IRF9: variants seen among roughly 807,000 people sequenced by gnomAD.
IRF9 encodes IFN-alpha-responsive transcription factor subunit.
IRF9 carries 13 observed loss-of-function variants against 44.1 expected under a neutral mutation model. The ratio of observed to expected loss-of-function variants is 0.29; its 90% confidence interval spans 0.19 to 0.47. IRF9 has a LOEUF of 0.47. Ranked by LOEUF, IRF9 falls within the 20% of genes least tolerant of loss-of-function variation. The probability of loss-of-function intolerance (pLI) is 1.00; values close to 1 mark genes in which losing one functional copy is unlikely to be tolerated. For synonymous variants in IRF9, 189 were observed against 188.5 expected (o/e 1.00, Z -0.02); for missense variants, 373 against 496.1 (o/e 0.75, Z 2.36).
At chr14:24,165,718 C>T in intron 7 of IRF9, 129 bp from the exon 8 acceptor site, 2 of 629,334 alleles carry the variant, frequency 3.2e-6, no homozygotes, top group Non-Finnish European at 2.8e-6. Context: ...GTACTTCTGA[C>T]CTTGCAGCTC....
chr14:24,163,118 G>T lies in IRF9; in HGVS notation c.333G>T (p.Val111=). Reference sequence around the variant, plus strand: ...TGGATGTTGCTGAGCCCTACAAGGTGTATCAGTTGCTGCCACCAGGAATCG... The same window carrying T: ...TGGATGTTGCTGAGCCCTACAAGGTTTATCAGTTGCTGCCACCAGGAATCG... ...GRMDVAEPYK[V]YQLLPPGIVS... Residue 111 remains valine, a synonymous_variant, in exon 3 of 9, where the codon GTG becomes GTT. Transcript: ENST00000396864. 6.2e-7 allele frequency: 1 copy of T among 1,614,120 alleles called. No individual in the cohort carries two copies. The highest frequency in any genetic ancestry group is 8.5e-7 in the Non-Finnish European group (1 of 1,179,996).
At chr14:24,162,665 CGGTGCATGCCT>C (rs2038474882) in intron 2 of IRF9, 3 of 427,172 alleles carry the variant, frequency 7.0e-6, no homozygotes, top group Non-Finnish European at 1.3e-5. Flanking sequence ...CTGGGCCTAG[CGGTGCATGCCT>C]GTAGTCCCAG....
intron 7 of IRF9, chr14:24,165,358 C>T (rs2038510596): frequency 3.2e-6 from 2 of 630,440 alleles, no homozygotes; most frequent in East Asian, 2.7e-5. Flanking sequence ...GCCCTGGCTG[C>T]ACCGTCTTTA....
At position 24,164,397 on chromosome 14, in the gene IRF9, A is replaced by G. The variant is rs2038497319; in HGVS notation, c.650-217A>G. On this transcript the variant is annotated intron_variant, in intron 6 of 8. Coordinates refer to ENST00000396864, the MANE Select transcript of IRF9 (RefSeq NM_006084.5). The surrounding 1 kb of genome is among the most constrained non-coding windows in gnomAD (Gnocchi z 5.2). Reference sequence around the variant, plus strand: ...TTTCATTGGGCCAAACAGAGGCCCAATCTCAAGGGACCTTCTAGTAAACTA... The same window carrying G: ...TTTCATTGGGCCAAACAGAGGCCCAGTCTCAAGGGACCTTCTAGTAAACTA... 6.6e-6 allele frequency: 4 copies of G among 602,636 alleles called. No individual in the cohort carries two copies. Among genetic ancestry groups the G allele is most frequent in the East Asian group, 2.8e-5 (1 of 35,524 alleles). The allele number at this position is 602,636 out of a possible 1,614,324, so 37.3% of individuals were successfully genotyped here. A position where few individuals can be genotyped will look rare whatever the true frequency, so the allele number is the denominator to read the frequency against.
rs2038504798 is a variant in IRF9 at position 24,164,943 on chromosome 14, T to C, written c.979T>C (p.Tyr327His). 1.2e-6 allele frequency: 2 copies of C among 1,611,666 alleles called. No homozygotes were observed. The highest frequency in any genetic ancestry group is 1.7e-4 in the Middle Eastern group (1 of 6,056). ...GTGCGTGGAGCTCTTCAGAACCGCC[T>C]ACTTCTGCAGAGGTGAGGCTGTTCT... ...NECVELFRTA[Y>H]FCRDLVRYFQ... The change falls in exon 7 of 9, where the codon TAC (tyrosine) becomes CAC (histidine). Residue 327 changes from tyrosine (Y) to histidine (H), a missense_variant. By Grantham distance (83) the Tyr-to-His change is moderately conservative (BLOSUM62 2). Coordinates refer to ENST00000396864, the MANE Select transcript of IRF9 (RefSeq NM_006084.5). This position sits in a 1 kb window ranked among gnomAD's most constrained non-coding sequence, Gnocchi z 5.2.
At position 24,163,475 on chromosome 14, in the gene IRF9, C is replaced by T. The variant is rs770683075; in HGVS notation, c.462C>T (p.Leu154=). ...EEEDAMQNCT[L]SPSVLQDSLN... ...AGGATGCCATGCAGAACTGCACACT[C>T]AGTCCCTCTGTGCTCCAGGACTCCC... Residue 154 remains leucine (L), a synonymous_variant, in exon 4 of 9, where the codon CTC becomes CTT. Coordinates refer to ENST00000396864, the MANE Select transcript of IRF9 (RefSeq NM_006084.5). 1.9e-6 allele frequency: 3 copies of T among 1,614,208 alleles called. No individual in the cohort carries two copies. The highest frequency in any genetic ancestry group is 2.5e-6 in the Non-Finnish European group (3 of 1,180,026).
At chr14:24,165,240 C>T in intron 7 of IRF9, 1 of 701,450 alleles carries the variant, frequency 1.4e-6, no homozygotes, top group Non-Finnish European at 2.6e-6. Flanking sequence ...CTGAAGCATG[C>T]AGTCACTATG....
chr14:24,162,475 C>A, intron 2 of IRF9, 151 bp downstream of exon 2: 1 of 796,432 alleles, frequency 1.3e-6, no homozygotes, highest in Non-Finnish European at 1.9e-6. Flanking sequence ...GAGTCCAGTA[C>A]AAAATGAAAA....
At chr14:24,166,019 C>T in intron 8 of IRF9, 57 bp downstream of exon 8, 2 of 1,581,700 alleles carry the variant, frequency 1.3e-6, no homozygotes, top group Non-Finnish European at 1.7e-6. Flanking sequence ...CAGTGGTGCT[C>T]CAGGAGGCAA....
chr14:24,164,230 C>T lies in IRF9; in HGVS notation c.649+96C>T. The T allele has an allele frequency of 9.6e-7, 1 of 1,045,460 alleles. No homozygotes were observed. Among genetic ancestry groups the T allele is most frequent in the South Asian group, 1.3e-5 (1 of 75,906 alleles). The allele number at this position is 1,045,460 out of a possible 1,614,324, so 64.8% of individuals were successfully genotyped here. A position where few individuals can be genotyped will look rare whatever the true frequency, so the allele number is the denominator to read the frequency against. The stretch of plus-strand genomic sequence containing the variant: ...TTATCTAGTCAGTCAGGGCTTACAG[C>T]AAACTGTACCCACATTACCATAGCC... On this transcript the variant is annotated intron_variant, in intron 6 of 8. Transcript: ENST00000396864. The surrounding 1 kb of genome is among the most constrained non-coding windows in gnomAD (Gnocchi z 5.2).
chr14:24,163,439 G>T lies in IRF9; in HGVS notation c.426G>T (p.Arg142Ser). Residue 142 changes from arginine to serine, a missense_variant, in exon 4 of 9, where the codon AGG becomes AGT. This residue lies in a region of IRF9 where 227 missense variants were observed against 255.3 expected (regional missense o/e 0.89). Coordinates refer to ENST00000396864, the MANE Select transcript of IRF9 (RefSeq NM_006084.5). Reference protein sequence around the residue: ...KRQHSSVSSERKEEEDAMQNC... With the variant: ...KRQHSSVSSESKEEEDAMQNC... Reference sequence around the variant, plus strand: ...AGCACAGTTCTGTGTCCTCTGAGAGGAAGGAGGAAGAGGATGCCATGCAGA... The same window carrying T: ...AGCACAGTTCTGTGTCCTCTGAGAGTAAGGAGGAAGAGGATGCCATGCAGA... 1 of 1,614,168 alleles carries T rather than the reference G, an allele frequency of 6.2e-7. No homozygotes were observed.
At chr14:24,162,059 A>T in intron 1 of IRF9, 85 bp from the exon 2 acceptor site, 23 of 1,308,534 alleles carry the variant, frequency 1.8e-5, no homozygotes, top group Non-Finnish European at 2.4e-5. Flanking sequence ...CTGTTGCCAG[A>T]ATCTAGTCTC....
At chr14:24,162,719 G>T in intron 2 of IRF9, 1 of 481,782 alleles carries the variant, frequency 2.1e-6, no homozygotes, top group Non-Finnish European at 3.7e-6. Context: ...AGAATCGCTT[G>T]AACCAGGGAG....
Position 24,165,920 on chromosome 14 carries a change from C to T in IRF9, c.1065C>T (p.Ser355=). The T allele has an allele frequency of 6.2e-7, 1 of 1,614,186 alleles. No individual in the cohort carries two copies. Among genetic ancestry groups the T allele is most frequent in the Non-Finnish European group, 8.5e-7 (1 of 1,179,990 alleles). ...FQVTLNFWEE[S]HGSSHTPQNL... ...TAACACTGAATTTCTGGGAAGAGAG[C>T]CATGGCTCCAGCCATACTCCACAGA... Residue 355 remains serine (S), a synonymous_variant, in exon 8 of 9, where the codon AGC becomes AGT. Coordinates refer to ENST00000396864, the MANE Select transcript of IRF9 (RefSeq NM_006084.5).
At chr14:24,165,821 C>T (rs779221079) in intron 7 of IRF9, 26 bp from the exon 8 acceptor site, 17 of 1,546,938 alleles carry the variant, frequency 1.1e-5, no homozygotes, top group East Asian at 2.2e-5. Context: ...TTTTGTTCTT[C>T]GAACCCTTGA....
chr14:24,165,429 A>G (rs1195419452), intron 7 of IRF9: 2 of 581,892 alleles, frequency 3.4e-6, no homozygotes, highest in African/African-American at 3.7e-5. Flanking sequence ...GCTCCTACTC[A>G]ATTCTAAACC....
Position 24,162,175 on chromosome 14 carries a change from A to G in IRF9, c.31A>G (p.Lys11Glu), listed in dbSNP as rs755603822. Residue 11 changes from lysine to glutamate, a missense_variant, in exon 2 of 9, where the codon AAA becomes GAA. Physicochemically the swap from Lys to Glu is moderately conservative, Grantham distance 56 (BLOSUM62 1). Around this residue, in one of 2 missense-constraint regions of IRF9, gnomAD observed 227 missense variants for 255.3 expected, o/e 0.89. Coordinates refer to ENST00000396864, the MANE Select transcript of IRF9 (RefSeq NM_006084.5). The part of the protein sequence containing the change: MASGRARCTR[K>E]LRNWVVEQVE... The stretch of plus-strand genomic sequence containing the variant: ...ATCAGGCAGGGCACGCTGCACCCGA[A>G]AACTCCGGAACTGGGTGGTGGAGCA... 4.3e-6 allele frequency: 7 copies of G among 1,614,108 alleles called. No individual in the cohort carries two copies. The highest frequency in any genetic ancestry group is 5.9e-6 in the Non-Finnish European group (7 of 1,180,004).
In IRF9 at chr14:24,166,212, T is replaced by A; in HGVS notation, c.*16T>A. 6.2e-7 allele frequency: 1 copy of A among 1,609,146 alleles called. No individual in the cohort carries two copies. Among genetic ancestry groups the A allele is most frequent in the Non-Finnish European group, 8.5e-7 (1 of 1,176,556 alleles). On this transcript the variant is annotated 3_prime_UTR_variant, in exon 9 of 9. Transcript: ENST00000396864. ...CCTGGTGTAGAGCCTGGGGGACCCA[T>A]CTTCCACCTCACCTCTTTGTTCTTC...
Position 24,163,360 on chromosome 14 carries a change from C to T in IRF9, c.365-18C>T. On this transcript the variant is annotated intron_variant, in intron 3 of 8. Coordinates refer to ENST00000396864, the MANE Select transcript of IRF9 (RefSeq NM_006084.5). ...GCTCAAGACCCTGACCTTTCTCTGT[C>T]CCTCAACAATTCCACAGGCCAGCCA... 1 of 1,611,274 alleles carries T rather than the reference C, an allele frequency of 6.2e-7. No individual in the cohort carries two copies. Among genetic ancestry groups the T allele is most frequent in the Non-Finnish European group, 8.5e-7 (1 of 1,178,204 alleles).
Sources: gnomAD v4.1 joint callset for allele counts on GRCh38, gnomAD v4.1.1 for gene constraint, gnomAD v4.1.1 regional missense constraint, Gnocchi (gnomAD v3.1) non-coding constraint, MANE v1.5 for transcripts, NCBI Gene and HGNC (gene_info 2026-07-23, HGNC 2026-07-21) for gene names.